Variants in HECW1 observed in about 807,000 individuals in gnomAD.
HECW1 encodes HECT, C2 and WW domain containing E3 ubiquitin protein ligase 1, also known as E3 ubiquitin-protein ligase HECW1.
Under a neutral mutation model 182.3 loss-of-function variants are expected in HECW1, and 61 were observed. The observed-to-expected ratio is 0.33, with a 90% CI of 0.27 to 0.41. HECW1 has a LOEUF of 0.41. HECW1 is among the 10% of genes least tolerant of loss of function. The pLI is 1.00. For synonymous variants in HECW1, 859 were observed against 832.6 expected (o/e 1.03, Z -0.55); for missense variants, 1,739 against 2,108.9 (o/e 0.82, Z 3.44).
chr7:43,545,495 T>C (rs2081523740), intron 26 of HECW1, among the ~76,000 whole-genome samples: 1 of 152,200 alleles, frequency 6.6e-6, no homozygotes, highest in East Asian at 1.9e-4. Flanking sequence ...ATGCAAAGGT[T>C]AGGGCGCTGA....
At chr7:43,287,726 G>T (rs1804840468) in intron 3 of HECW1, among the ~76,000 whole-genome samples, 2 of 152,226 alleles carry the variant, frequency 1.3e-5, no homozygotes, top group Non-Finnish European at 2.9e-5. Context: ...GACCAGGTAA[G>T]AGATACTGGT....
chr7:43,518,595 T>C (rs1396620810), intron 24 of HECW1, among the ~76,000 whole-genome samples: 1 of 151,996 alleles, frequency 6.6e-6, no homozygotes, highest in African/African-American at 2.4e-5. Flanking sequence ...TGAAAATTAA[T>C]CTTTGCAACT....
chr7:43,409,173 G>A (rs1363530562), intron 8 of HECW1, among the ~76,000 whole-genome samples: 5 of 152,180 alleles, frequency 3.3e-5, no homozygotes, highest in Non-Finnish European at 5.9e-5. Flanking sequence ...GAAGAGCTTC[G>A]TTAGAGCTTT....
intron 24 of HECW1, among the ~76,000 whole-genome samples, chr7:43,535,012 A>G (rs1006215901): frequency 6.6e-6 from 1 of 152,214 alleles, no homozygotes; most frequent in Non-Finnish European, 1.5e-5. Flanking sequence ...GTAGGTGCCA[A>G]TATGATTCCC....
intron 23 of HECW1, 26 bp from the exon 24 acceptor site, chr7:43,508,943 T>A: frequency 1.2e-6 from 2 of 1,610,226 alleles, no homozygotes; most frequent in Non-Finnish European, 1.7e-6. Context: ...CAGAATGAGC[T>A]TCCTGGACCT....
chr7:43,367,916 C>T (rs892407640), intron 6 of HECW1, among the ~76,000 whole-genome samples: 10 of 152,184 alleles, frequency 6.6e-5, no homozygotes, highest in African/African-American at 2.4e-4. Context: ...TGCCTCTAAT[C>T]TTCTTTTCCC....
intron 2 of HECW1, among the ~76,000 whole-genome samples, chr7:43,116,189 C>G (rs1290282486): frequency 6.6e-6 from 1 of 152,048 alleles, no homozygotes; most frequent in African/African-American, 2.4e-5. Context: ...CAAAAAAACA[C>G]GTAGAGAATG....
intron 3 of HECW1, among the ~76,000 whole-genome samples, chr7:43,267,138 A>C (rs1373926864): frequency 6.6e-6 from 1 of 152,340 alleles, no homozygotes; most frequent in African/African-American, 2.4e-5. Context: ...ATTTACAATT[A>C]AAACTTGTAC....
intron 10 of HECW1, 38 bp downstream of exon 10, chr7:43,442,667 A>G (rs753849942): frequency 1.7e-5 from 22 of 1,320,672 alleles, no homozygotes; most frequent in Non-Finnish European, 2.4e-5. Flanking sequence ...GTCCTAGGCT[A>G]GTGTCATAAG....
At chr7:43,230,755 TACAG>T (rs1797811134) in intron 2 of HECW1, among the ~76,000 whole-genome samples, 2 of 152,114 alleles carry the variant, frequency 1.3e-5, no homozygotes, top group African/African-American at 2.4e-5. Context: ...GTCTCTCACA[TACAG>T]AGAGACAGAA....
chr7:43,241,269 G>GTCCCCA (rs1798850443), intron 2 of HECW1: 1 of 152,122 alleles, frequency 6.6e-6, no homozygotes, highest in Non-Finnish European at 1.5e-5. Context: ...AGGTCACTTG[G>GTCCCCA]TCCCCATCTG....
intron 2 of HECW1, among the ~76,000 whole-genome samples, chr7:43,143,277 G>C (rs185087231): frequency 6.6e-6 from 1 of 151,646 alleles, no homozygotes; most frequent in Non-Finnish European, 1.5e-5. Context: ...GGCCAAGGCC[G>C]CCTTTCTTTT....
chr7:43,354,952 T>G (rs1476516995), intron 5 of HECW1, among the ~76,000 whole-genome samples: 2 of 151,714 alleles, frequency 1.3e-5, no homozygotes, highest in Admixed American at 1.3e-4. Context: ...GGAACTCCAG[T>G]TCATCAGGCA....
chr7:43,428,592 T>C (rs886611853), intron 8 of HECW1, among the ~76,000 whole-genome samples: 2 of 152,176 alleles, frequency 1.3e-5, no homozygotes, highest in African/African-American at 4.8e-5. Context: ...AATTTAGACT[T>C]ACTGACTGAT....
At chr7:43,396,583 T>G (rs2075238929) in intron 6 of HECW1, 1 of 447,402 alleles carries the variant, frequency 2.2e-6, no homozygotes. Flanking sequence ...TTGTGTTTGT[T>G]GATTTCCATT....
At chr7:43,126,067 CTTTT>C (rs71008891) in intron 2 of HECW1, among the ~76,000 whole-genome samples, 34 of 103,992 alleles carry the variant, frequency 3.3e-4, no homozygotes, top group African/African-American at 1.0e-3. Context: ...TTTGTTCTCA[CTTTT>C]TTTTTTTTTT....
intron 3 of HECW1, among the ~76,000 whole-genome samples, chr7:43,247,826 A>G (rs1454450372): frequency 7.2e-6 from 1 of 138,762 alleles, no homozygotes; most frequent in Non-Finnish European, 1.5e-5. Flanking sequence ...AAAGAGAGAG[A>G]AAGGTAAGAA....
At chr7:43,493,265 G>A (rs762643511) in intron 19 of HECW1, 85 bp downstream of exon 19, 49 of 819,410 alleles carry the variant, frequency 6.0e-5, no homozygotes, top group African/African-American at 4.5e-4. Flanking sequence ...GAGACAGAGC[G>A]GAAGCTTATT....
At chr7:43,292,907 G>C (rs1449552403) in intron 3 of HECW1, among the ~76,000 whole-genome samples, 1 of 152,168 alleles carries the variant, frequency 6.6e-6, no homozygotes, top group Non-Finnish European at 1.5e-5. Context: ...AGCAAAGAAA[G>C]AATGAAGCAA....
Sources: allele counts gnomAD v4.1 joint callset (sites outside exome capture counted in the v4.1 genomes callset), GRCh38; gene constraint gnomAD v4.1.1; transcripts MANE v1.5; gene names NCBI Gene and HGNC (gene_info 2026-07-23, HGNC 2026-07-21).